FAM227B: variants seen among roughly 807,000 people sequenced by gnomAD.
FAM227B encodes the protein protein FAM227B.
Under a neutral mutation model 73.8 loss-of-function variants are expected in FAM227B, and 88 were observed. That is an observed-to-expected ratio of 1.19 (90% CI 1.00 to 1.42). The LOEUF is 1.42. Among genes scored for constraint, FAM227B ranks in the 40% most tolerant of loss-of-function variants. FAM227B has a pLI of 0.00. For synonymous variants in FAM227B, 210 were observed against 190.5 expected, an observed-to-expected ratio of 1.10 and a Z score of -0.84; for missense variants, 632 against 590.9, an observed-to-expected ratio of 1.07 and a Z score of -0.72.
chr15:49,460,261 G>A (rs1005748288), intron 11 of FAM227B, among the ~76,000 whole-genome samples: 1 of 152,144 alleles, frequency 6.6e-6, no homozygotes, highest in African/African-American at 2.4e-5. Flanking sequence ...TAGGTAAGCT[G>A]CACAATTACT....
At position 49,327,919 on chromosome 15, in the gene FAM227B, T is replaced by C. The variant is rs1387243396; in HGVS notation, c.*649A>G. 1.3e-6 allele frequency: 2 copies of C among 1,582,682 alleles called. No individual in the cohort carries two copies. Among genetic ancestry groups the C allele is most frequent in the Non-Finnish European group, 8.6e-7 (1 of 1,160,682 alleles). On this transcript the variant is annotated 3_prime_UTR_variant, in exon 16 of 16. Coordinates refer to ENST00000299338, the MANE Select transcript of FAM227B (RefSeq NM_152647.3). The stretch of plus-strand genomic sequence containing the variant: ...AGCAAATCCCTTGTATTTTCATTTA[T>C]AGGTTCTAATATTTTTTTCCTCACT...
chr15:49,496,284 C>T (rs1224703799), intron 11 of FAM227B, among the ~76,000 whole-genome samples: 3 of 151,898 alleles, frequency 2.0e-5, no homozygotes, highest in Non-Finnish European at 2.9e-5. Flanking sequence ...TTATTGCTTG[C>T]GGTTTAAGCT....
At chr15:49,467,393 G>C (rs1250616950) in intron 11 of FAM227B, among the ~76,000 whole-genome samples, 2 of 152,024 alleles carry the variant, frequency 1.3e-5, no homozygotes, top group African/African-American at 4.8e-5. Flanking sequence ...CTTATACACA[G>C]TATAAATTTA....
intron 11 of FAM227B, among the ~76,000 whole-genome samples, chr15:49,420,769 G>A (rs2049556903): frequency 6.6e-6 from 1 of 152,148 alleles, no homozygotes; most frequent in Non-Finnish European, 1.5e-5. Context: ...GCAGTTGTGC[G>A]ATCTCTGCTC....
At chr15:49,461,507 GCT>G (rs1353067140) in intron 11 of FAM227B, among the ~76,000 whole-genome samples, 1 of 152,110 alleles carries the variant, frequency 6.6e-6, no homozygotes, top group African/African-American at 2.4e-5. Flanking sequence ...CATATTTCAT[GCT>G]CTATACTTCT....
chr15:49,487,198 T>C (rs1352507474), intron 11 of FAM227B: 1 of 151,836 alleles, frequency 6.6e-6, no homozygotes, highest in Non-Finnish European at 1.5e-5. Flanking sequence ...TAGTTTTCAA[T>C]TCTGATTCCT....
chr15:49,525,711 T>TATATATAC (rs2060143210), intron 10 of FAM227B, among the ~76,000 whole-genome samples: 10 of 63,210 alleles, frequency 1.6e-4, no homozygotes, highest in African/African-American at 5.2e-4. Context: ...TATATATATA[T>TATATATAC]ATATATATCA....
At chr15:49,525,744 A>G (rs1044427758) in intron 10 of FAM227B, among the ~76,000 whole-genome samples, 1 of 140,454 alleles carries the variant, frequency 7.1e-6, no homozygotes, top group East Asian at 2.1e-4. Context: ...AAAAATGAAC[A>G]GGAGTAGTAC....
At chr15:49,331,500 T>C in intron 15 of FAM227B, 1 of 358,360 alleles carries the variant, frequency 2.8e-6, no homozygotes, top group Non-Finnish European at 5.1e-6. Flanking sequence ...TAAACATCAG[T>C]GATTATTAGT....
At chr15:49,458,518 T>A (rs1344772063) in intron 11 of FAM227B, among the ~76,000 whole-genome samples, 9 of 152,118 alleles carry the variant, frequency 5.9e-5, no homozygotes, top group Admixed American at 5.2e-4. Flanking sequence ...ACTTTTGCAT[T>A]TTAAGATAAT....
intron 13 of FAM227B, among the ~76,000 whole-genome samples, chr15:49,350,968 A>G (rs1321221765): frequency 6.6e-6 from 1 of 152,174 alleles, no homozygotes; most frequent in Non-Finnish European, 1.5e-5. Flanking sequence ...TAAGGCCACC[A>G]TGTACCACTG....
chr15:49,489,845 A>ATATATTT (rs2056838505), intron 11 of FAM227B, among the ~76,000 whole-genome samples: 2 of 17,922 alleles, frequency 1.1e-4, no homozygotes, highest in East Asian at 3.9e-3. Flanking sequence ...TATATTTTAT[A>ATATATTT]TATATATATA....
At chr15:49,521,672 A>G (rs1025140441) in intron 10 of FAM227B, among the ~76,000 whole-genome samples, 25 of 152,232 alleles carry the variant, frequency 1.6e-4, no homozygotes, top group African/African-American at 4.8e-4. Flanking sequence ...AGCTGGGGAG[A>G]GAGTTTCTTC....
chr15:49,350,689 C>G (rs2042109662), intron 13 of FAM227B, among the ~76,000 whole-genome samples: 1 of 152,152 alleles, frequency 6.6e-6, no homozygotes, highest in Admixed American at 6.5e-5. Context: ...AATTTTTGAC[C>G]TTGGTGGGTC....
chr15:49,462,599 T>C (rs568344308), intron 11 of FAM227B, among the ~76,000 whole-genome samples: 2 of 152,244 alleles, frequency 1.3e-5, no homozygotes, highest in South Asian at 4.1e-4. Flanking sequence ...AAGTATAGAG[T>C]AGGGAGGTAA....
At chr15:49,573,942 T>C (rs1276388516) in intron 8 of FAM227B, among the ~76,000 whole-genome samples, 1 of 152,210 alleles carries the variant, frequency 6.6e-6, no homozygotes, top group East Asian at 1.9e-4. Context: ...AAATGTGTTT[T>C]GAAGCATTTT....
intron 9 of FAM227B, among the ~76,000 whole-genome samples, chr15:49,550,875 G>A (rs1271645797): frequency 2.0e-5 from 3 of 152,008 alleles, no homozygotes; most frequent in South Asian, 2.1e-4. Flanking sequence ...CTTCCCAGAC[G>A]GGGTGGCGGC....
At chr15:49,511,052 G>A (rs1428718131) in intron 10 of FAM227B, among the ~76,000 whole-genome samples, 1 of 151,454 alleles carries the variant, frequency 6.6e-6, no homozygotes, top group Non-Finnish European at 1.5e-5. Context: ...ATTGTCCTAA[G>A]CACTAGATAA....
Position 49,361,316 on chromosome 15 carries a change from G to T in FAM227B, c.1271+6132C>A, listed in dbSNP as rs557699407. Among the ~76,000 whole-genome samples the T allele has an allele frequency of 3.9e-5, 6 of 152,014 alleles. No homozygotes were observed. The East Asian group carries it at 1.2e-3, about 29-fold the overall frequency. On this transcript the variant is annotated intron_variant, in intron 13 of 15. Coordinates refer to ENST00000299338, the MANE Select transcript of FAM227B (RefSeq NM_152647.3). ...TTACATAGGTAAATTGATGTTACAG[G>T]GATTTGTTGTACTGATTATTTCACC...
Sources: gnomAD v4.1 joint callset for allele counts (sites outside exome capture counted in the v4.1 genomes callset) on GRCh38, gnomAD v4.1.1 for gene constraint, MANE v1.5 for transcripts, NCBI Gene and HGNC (gene_info 2026-07-23, HGNC 2026-07-21) for gene names.